Variants in ECH1 observed in about 807,000 individuals in gnomAD.
ECH1 encodes delta(3,5)-Delta(2,4)-dienoyl-CoA isomerase, mitochondrial.
ECH1 carries 30 observed loss-of-function variants against 37.0 expected under a neutral mutation model. The observed-to-expected ratio is 0.81, with a 90% confidence interval of 0.61 to 1.10. The LOEUF is 1.10. Among genes scored for constraint, ECH1 ranks in the 50% least tolerant of loss-of-function variants. ECH1 has a pLI of 0.00. For synonymous variants in ECH1, 178 were observed against 176.0 expected (o/e 1.01, Z -0.09); for missense variants, 456 against 441.6 (o/e 1.03, Z -0.29).
rs1279963963 is a variant in ECH1, at chr19:38,831,319, C to A, written c.250G>T (p.Val84Phe). 2 of 1,611,164 alleles carry A rather than the reference C, an allele frequency of 1.2e-6. No homozygotes were observed. The highest frequency in any genetic ancestry group is 1.7e-6 in the Non-Finnish European group (2 of 1,177,900). Residue 84 changes from valine to phenylalanine, a missense_variant, in exon 2 of 10, where the codon GTC (valine) becomes TTC (phenylalanine). Coordinates refer to ENST00000221418, the MANE Select transcript of ECH1 (RefSeq NM_001398.3). ...ATCTGCAGGTCAGACCTCCAGAAGA[C>A]CTTGTTCATGGCATTCCTCTTGTTG... The part of the protein sequence containing the change: ...RPNKRNAMNK[V>F]FWREMVECFN...
At chr19:38,822,718 T>A (rs915577596) in intron 3 of ECH1, among the ~76,000 whole-genome samples, 3 of 152,144 alleles carry the variant, frequency 2.0e-5, no homozygotes, top group African/African-American at 7.2e-5. Context: ...CAGCACCCTG[T>A]CAAAATGGAC....
intron 3 of ECH1, chr19:38,818,183 C>A: frequency 1.0e-6 from 1 of 974,816 alleles, no homozygotes; most frequent in Non-Finnish European, 1.2e-6. Flanking sequence ...AAATCTGGAA[C>A]CATGCAGCTG....
Position 38,816,314 on chromosome 19 carries a change from G to A in ECH1, c.701C>T (p.Ala234Val), listed in dbSNP as rs748466931. Residue 234 changes from alanine (A) to valine (V), a missense_variant, in exon 8 of 10, where the codon GCT (alanine) becomes GTT (valine). By Grantham distance (64) the Ala-to-Val change is moderately conservative. Transcript: ENST00000221418. ...CAGCCCACTGCCCAGGGCCTCGTCA[G>A]CCATCATCTTGCGGGCGGTGAAGGC... ...ELAFTARKMM[A>V]DEALGSGLVS... 1 of 1,613,726 alleles carries A rather than the reference G, an allele frequency of 6.2e-7. No individual in the cohort carries two copies. Among genetic ancestry groups the A allele is most frequent in the East Asian group, 2.2e-5 (1 of 44,882 alleles).
chr19:38,822,157 C>T (rs1276399356), intron 3 of ECH1, among the ~76,000 whole-genome samples: 3 of 151,450 alleles, frequency 2.0e-5, no homozygotes, highest in African/African-American at 7.3e-5. Context: ...CCAATCAATG[C>T]TCTGTGTCTA....
chr19:38,816,457 G>A lies in ECH1; in HGVS notation c.655C>T (p.Gln219Ter). 1 of 1,614,134 alleles carries A rather than the reference G, an allele frequency of 6.2e-7. No homozygotes were observed. Among genetic ancestry groups the A allele is most frequent in the Non-Finnish European group, 8.5e-7 (1 of 1,180,010 alleles). ...CCCCACACCCCCTGCACCCACCTCTGGTTCCCGATGACCTTGGGCAGGCGC... is the reference window on the plus strand; with the variant it reads ...CCCCACACCCCCTGCACCCACCTCTAGTTCCCGATGACCTTGGGCAGGCGC... ...LQRLPKVIGN[Q>*]SLVNELAFTA... The change falls in exon 7 of 10, where the codon CAG becomes TAG. Residue 219 changes from glutamine to a stop codon, truncating the protein, a stop_gained. Transcript: ENST00000221418. LOFTEE classifies it high-confidence loss of function.
At chr19:38,817,912 T>C (rs894226301) in intron 3 of ECH1, 1 of 250,714 alleles carries the variant, frequency 4.0e-6, no homozygotes, top group East Asian at 1.8e-4. Context: ...AGTAATGAAC[T>C]ATTTAAATTA....
At chr19:38,826,651 T>TGAC (rs2040167899) in intron 3 of ECH1, among the ~76,000 whole-genome samples, 1 of 152,152 alleles carries the variant, frequency 6.6e-6, no homozygotes, top group South Asian at 2.1e-4. Flanking sequence ...GGATGCCTTC[T>TGAC]TCTGTATTCC....
intron 3 of ECH1, among the ~76,000 whole-genome samples, chr19:38,820,683 T>C (rs1971648798): frequency 6.6e-6 from 1 of 152,216 alleles, no homozygotes; most frequent in Non-Finnish European, 1.5e-5. Flanking sequence ...ACTGGGTCAC[T>C]GCATGACCTG....
chr19:38,825,907 G>C (rs373800284), intron 3 of ECH1, among the ~76,000 whole-genome samples: 8 of 152,276 alleles, frequency 5.3e-5, no homozygotes, highest in African/African-American at 1.9e-4. Flanking sequence ...AGGGTGCCCG[G>C]GGCAAGCGCC....
At chr19:38,816,400 C>T in intron 7 of ECH1, 45 bp from the exon 8 acceptor site, 3 of 1,613,910 alleles carry the variant, frequency 1.9e-6, no homozygotes, top group Non-Finnish European at 2.5e-6. Context: ...CACCCCGGGG[C>T]TGGGAGATGC....
intron 5 of ECH1, 81 bp from the exon 6 acceptor site, chr19:38,817,210 A>T: frequency 6.5e-7 from 1 of 1,549,564 alleles, no homozygotes; most frequent in East Asian, 2.4e-5. Context: ...CTCTTGGGAC[A>T]CAGTCTGGCC....
At chr19:38,827,295 T>C (rs768835868) in intron 3 of ECH1, among the ~76,000 whole-genome samples, 1 of 152,018 alleles carries the variant, frequency 6.6e-6, no homozygotes, top group Non-Finnish European at 1.5e-5. Context: ...CTCTGGGCCC[T>C]GTGCAGAAAT....
chr19:38,823,796 C>A (rs1971699868), intron 3 of ECH1, among the ~76,000 whole-genome samples: 1 of 152,200 alleles, frequency 6.6e-6, no homozygotes, highest in African/African-American at 2.4e-5. Context: ...GGTCCTAATG[C>A]CTGCCAGACA....
chr19:38,831,046 G>C, intron 3 of ECH1, 32 bp downstream of exon 3: 1 of 1,594,126 alleles, frequency 6.3e-7, no homozygotes, highest in Non-Finnish European at 8.6e-7. Flanking sequence ...GAGCTAGGAA[G>C]GCTGGCAGGG....
intron 3 of ECH1, among the ~76,000 whole-genome samples, chr19:38,822,199 TG>T (rs1212105664): frequency 6.6e-6 from 1 of 151,618 alleles, no homozygotes; most frequent in African/African-American, 2.4e-5. Context: ...AGAAACTTTA[TG>T]TCTAGCTAAG....
chr19:38,816,015 GAA>G lies in ECH1; in HGVS notation c.732-10_732-9del. On this transcript the variant is annotated splice_polypyrimidine_tract_variant and intron_variant, in intron 8 of 9. Transcript: ENST00000221418. ...TTGTCTGGGAACACCCGGCTGCAGT[GAA>G]AGAGATCAGGGACCGGGTGGGCTGG... is the stretch of plus-strand genomic sequence containing the variant. 6.2e-7 allele frequency: 1 copy of G among 1,612,186 alleles called. No homozygotes were observed. Among genetic ancestry groups the G allele is most frequent in the Non-Finnish European group, 8.5e-7 (1 of 1,179,846 alleles).
At chr19:38,825,212 G>A (rs770073874) in intron 3 of ECH1, among the ~76,000 whole-genome samples, 21 of 152,154 alleles carry the variant, frequency 1.4e-4, no homozygotes, top group Non-Finnish European at 2.5e-4. Context: ...ATTCCCTATC[G>A]GTCAGCAAGC....
At chr19:38,827,676 T>A (rs1971759020) in intron 3 of ECH1, among the ~76,000 whole-genome samples, 1 of 152,104 alleles carries the variant, frequency 6.6e-6, no homozygotes, top group Admixed American at 6.5e-5. Flanking sequence ...TTTGTTGTTG[T>A]TTTTGTTTTG....
intron 5 of ECH1, 56 bp downstream of exon 5, chr19:38,817,260 C>T (rs774999496): frequency 1.6e-4 from 241 of 1,529,566 alleles, no homozygotes; most frequent in South Asian, 3.8e-4. Flanking sequence ...GCCGCGGCAT[C>T]GGAGCAGCAG....
Sources: gnomAD v4.1 joint callset for allele counts (sites outside exome capture counted in the v4.1 genomes callset) on GRCh38, gnomAD v4.1.1 for gene constraint, MANE v1.5 for transcripts, NCBI Gene and HGNC (gene_info 2026-07-23, HGNC 2026-07-21) for gene names.